The following BCAS3 variants were observed in gnomAD, a reference collection of about 807,000 sequenced individuals.
The protein encoded by BCAS3 is BCAS4/BCAS3 fusion.
A neutral mutation model predicts 116.1 loss-of-function variants in BCAS3; 53 were observed. That is an observed-to-expected ratio of 0.46 (90% CI 0.37 to 0.57). The LOEUF (loss-of-function observed/expected upper bound fraction) is 0.57, where lower values mean the gene tolerates loss of function less well. Ranked by LOEUF, BCAS3 falls within the 20% of genes least tolerant of loss-of-function variation. The pLI, the probability that BCAS3 is intolerant of heterozygous loss-of-function variation, is 0.00. For missense variants in BCAS3, 917 were observed against 1,165.4 expected (o/e 0.79, Z 3.10); for synonymous variants, 391 against 408.2 (o/e 0.96, Z 0.51).
intron 16 of BCAS3, among the ~76,000 whole-genome samples, chr17:61,031,874 TA>T (rs1351813171): frequency 6.6e-6 from 1 of 152,254 alleles, no homozygotes; most frequent in African/African-American, 2.4e-5. Context: ...AGTTTTACCA[TA>T]AAATACTTAT....
intron 6 of BCAS3, among the ~76,000 whole-genome samples, chr17:60,795,402 C>T (rs1345413691): frequency 2.0e-5 from 3 of 152,124 alleles, no homozygotes; most frequent in Admixed American, 2.0e-4. Context: ...TTTGGATGCT[C>T]TTTATTTTTT....
chr17:60,686,477 C>T (rs188519248), intron 3 of BCAS3, among the ~76,000 whole-genome samples: 1 of 151,950 alleles, frequency 6.6e-6, no homozygotes, highest in East Asian at 1.9e-4. Flanking sequence ...ATGGTAGTTG[C>T]CCTTGGCTGT....
chr17:60,705,126 A>G lies in BCAS3; in HGVS notation c.215-4093A>G, dbSNP rs532912485. 7.9e-5 allele frequency among the ~76,000 whole-genome samples: 12 copies of G among 152,332 alleles called. No individual in the cohort carries two copies. The South Asian group carries it at 2.5e-3, about 32-fold the overall frequency. On this transcript the variant is annotated intron_variant, in intron 4 of 23. Transcript: ENST00000407086. Reference sequence around the variant, plus strand: ...TGCCATCAATGTTACAGAAATAACCATGAAAGTCAGCAAGCTTGAAACAAT... The same window carrying G: ...TGCCATCAATGTTACAGAAATAACCGTGAAAGTCAGCAAGCTTGAAACAAT...
rs2050958432 is a variant in BCAS3, at chr17:61,278,421, C to T, written c.2426-89906C>T. ...AACTCCTGGGCTCACATGATCCACC[C>T]ACCTTGGCCTCCCACAGTGCTGGGT... is the stretch of plus-strand genomic sequence containing the variant. On this transcript the variant is annotated intron_variant, in intron 22 of 23. Transcript: ENST00000407086. The surrounding 1 kb of genome is among the most constrained non-coding windows in gnomAD (Gnocchi z 5.8). 6.6e-6 allele frequency among the ~76,000 whole-genome samples: 1 copy of T among 152,168 alleles called. No individual in the cohort carries two copies. The highest frequency in any genetic ancestry group is 1.5e-5 in the Non-Finnish European group (1 of 68,032).
rs748034823 is a variant in BCAS3 at position 61,128,023 on chromosome 17, A to G, written c.2425+43459A>G. On this transcript the variant is annotated intron_variant, in intron 22 of 23. Coordinates refer to ENST00000407086, the MANE Select transcript of BCAS3 (RefSeq NM_017679.5). The surrounding 1 kb of genome is among the most constrained non-coding windows in gnomAD (Gnocchi z 4.1). ...TTGTGTGGCTTTGGGGAAGACATTC[A>G]GCAAAGAACACCACAATTCCCATTG... Among the ~76,000 whole-genome samples the G allele has an allele frequency of 3.9e-5, 6 of 152,170 alleles. No individual in the cohort carries two copies. Among genetic ancestry groups the G allele is most frequent in the African/African-American group, 9.7e-5 (4 of 41,436 alleles).
intron 22 of BCAS3, among the ~76,000 whole-genome samples, chr17:61,257,353 G>A (rs148366854): frequency 6.0e-4 from 90 of 150,752 alleles, no homozygotes; most frequent in African/African-American, 2.0e-3. Context: ...CCTGGGAGGC[G>A]GAGGTTGCAG....
At position 61,034,671 on chromosome 17, in the gene BCAS3, T is replaced by C; in HGVS notation, c.1643T>C (p.Val548Ala). 1 of 1,605,840 alleles carries C rather than the reference T, an allele frequency of 6.2e-7. No homozygotes were observed. The highest frequency in any genetic ancestry group is 8.5e-7 in the Non-Finnish European group (1 of 1,174,928). Residue 548 changes from valine to alanine, a missense_variant, in exon 17 of 24, where the codon GTT becomes GCT. Transcript: ENST00000407086. The surrounding 1 kb of genome is among the most constrained non-coding windows in gnomAD (Gnocchi z 5.0). ...CTCTTATTTTATTTTTTAAGCAAAG[T>C]TAAACCTCCTCCACAAATTTCACCC... The part of the protein sequence containing the change: ...LGTITKRTGK[V>A]KPPPQISPSK...
chr17:60,774,614 T>C (rs1270110837), intron 6 of BCAS3, among the ~76,000 whole-genome samples: 1 of 152,274 alleles, frequency 6.6e-6, no homozygotes, highest in Non-Finnish European at 1.5e-5. Flanking sequence ...TTTTATTCTT[T>C]CAATACTTTC....
At chr17:61,090,312 A>G (rs2073445815) in intron 22 of BCAS3, among the ~76,000 whole-genome samples, 1 of 152,246 alleles carries the variant, frequency 6.6e-6, no homozygotes, top group South Asian at 2.1e-4. Context: ...TAAAGTGACA[A>G]AAACTCCAGG....
At chr17:60,712,003 A>G (rs536691879) in intron 5 of BCAS3, among the ~76,000 whole-genome samples, 2 of 152,066 alleles carry the variant, frequency 1.3e-5, no homozygotes, top group East Asian at 1.9e-4. Flanking sequence ...CTCTACTAAA[A>G]ATAAAAAAAA....
chr17:60,684,108 TGAC>T, intron 3 of BCAS3, 72 bp downstream of exon 3: 1 of 1,416,296 alleles, frequency 7.1e-7, no homozygotes, highest in Non-Finnish European at 9.9e-7. Context: ...TTCCTAAACT[TGAC>T]ACTAGTACCA....
chr17:60,912,599 A>T (rs543744532), intron 12 of BCAS3, among the ~76,000 whole-genome samples: 8 of 152,024 alleles, frequency 5.3e-5, no homozygotes, highest in Non-Finnish European at 1.0e-4. Context: ...TGTGTTACAG[A>T]TTCGTATTTT....
intron 7 of BCAS3, chr17:60,810,697 G>A: frequency 1.5e-6 from 1 of 666,792 alleles, no homozygotes; most frequent in South Asian, 1.4e-5. Context: ...GCCCTAGTCT[G>A]TGGAGAGGGA....
chr17:60,763,681 G>A (rs971877610), intron 6 of BCAS3, among the ~76,000 whole-genome samples: 10 of 152,136 alleles, frequency 6.6e-5, no homozygotes, highest in Admixed American at 6.5e-4. Flanking sequence ...TCTCTGCCAG[G>A]CTTTGGTATC....
intron 6 of BCAS3, among the ~76,000 whole-genome samples, chr17:60,772,389 T>G (rs962389608): frequency 2.0e-5 from 3 of 152,118 alleles, no homozygotes; most frequent in Non-Finnish European, 2.9e-5. Context: ...CTTTGCCCAC[T>G]TTTTGATGGG....
rs183983915 is a variant in BCAS3, at chr17:61,198,081, A to G, written c.2425+113517A>G. 9.2e-5 allele frequency among the ~76,000 whole-genome samples: 14 copies of G among 151,908 alleles called. No homozygotes were observed. The highest frequency in any genetic ancestry group is 2.6e-4 in the Admixed American group (4 of 15,278). On this transcript the variant is annotated intron_variant, in intron 22 of 23. Coordinates refer to ENST00000407086, the MANE Select transcript of BCAS3 (RefSeq NM_017679.5). This position sits in a 1 kb window ranked among gnomAD's most constrained non-coding sequence, Gnocchi z 5.0. ...ATATCCACTGAGTCTGGCACATATG[A>G]GTACTTAGTGGATGTTTGCTGATAT...
At chr17:61,187,495 C>G (rs1287057742) in intron 22 of BCAS3, among the ~76,000 whole-genome samples, 1 of 152,112 alleles carries the variant, frequency 6.6e-6, no homozygotes, top group Non-Finnish European at 1.5e-5. Context: ...TCTAAAACAC[C>G]TAGAGCTGAG....
Position 61,276,426 on chromosome 17 carries a change from T to A in BCAS3, c.2426-91901T>A, listed in dbSNP as rs2050762534. ...AGCAATGAGCAAACCGCAAATAAAA[T>A]TAGGAAAGCTATTTCATTTACAGTA... On this transcript the variant is annotated intron_variant, in intron 22 of 23. Coordinates refer to ENST00000407086, the MANE Select transcript of BCAS3 (RefSeq NM_017679.5). This position sits in a 1 kb window ranked among gnomAD's most constrained non-coding sequence, Gnocchi z 4.2. 6.6e-6 allele frequency among the ~76,000 whole-genome samples: 1 copy of A among 151,944 alleles called. No homozygotes were observed. Among genetic ancestry groups the A allele is most frequent in the Non-Finnish European group, 1.5e-5 (1 of 67,990 alleles).
chr17:61,334,340 A>G (rs1309205148), intron 22 of BCAS3, among the ~76,000 whole-genome samples: 1 of 152,220 alleles, frequency 6.6e-6, no homozygotes, highest in Non-Finnish European at 1.5e-5. Context: ...TCTATAAGAT[A>G]GGATGATAAA....
Sources: gnomAD v4.1 joint callset for allele counts (sites outside exome capture counted in the v4.1 genomes callset) on GRCh38, gnomAD v4.1.1 for gene constraint, Gnocchi (gnomAD v3.1) non-coding constraint, MANE v1.5 for transcripts, NCBI Gene and HGNC (gene_info 2026-07-23, HGNC 2026-07-21) for gene names.